The following PDIK1L variants were observed in gnomAD, a reference collection of about 807,000 sequenced individuals.
The protein encoded by PDIK1L is PDLIM1 interacting kinase 1 like.
A neutral mutation model predicts 27.1 loss-of-function variants in PDIK1L; 9 were observed. The ratio of observed to expected loss-of-function variants is 0.33; its 90% CI spans 0.20 to 0.58. The LOEUF is 0.58. PDIK1L is among the 20% of genes least tolerant of loss of function. PDIK1L has a pLI of 0.86. For synonymous variants in PDIK1L, 130 were observed against 141.7 expected (o/e 0.92, Z 0.59); for missense variants, 216 against 413.2 (o/e 0.52, Z 4.14).
rs1358847245 is a variant in PDIK1L at position 26,119,481 on chromosome 1, G to A, written c.286-2356G>A. Among the ~76,000 whole-genome samples, 7 of 152,224 alleles carry A rather than the reference G, an allele frequency of 4.6e-5. No individual in the cohort carries two copies. In the East Asian group the frequency reaches 9.7e-4, roughly 21 times the overall value. On this transcript the variant is annotated intron_variant, in intron 2 of 2. Coordinates refer to ENST00000374269, the MANE Select transcript of PDIK1L (RefSeq NM_152835.5). ...TCTAAAACTTGTAGTGTGAAGAGGA[G>A]TTAGCTAGATAAGTGAGAAAAATTT...
chr1:26,120,452 T>C (rs955388734), intron 2 of PDIK1L, among the ~76,000 whole-genome samples: 1 of 152,238 alleles, frequency 6.6e-6, no homozygotes, highest in African/African-American at 2.4e-5. Context: ...AAAAGAGATA[T>C]CTGCAGATCA....
At chr1:26,120,683 A>G (rs1346557673) in intron 2 of PDIK1L, among the ~76,000 whole-genome samples, 1 of 152,200 alleles carries the variant, frequency 6.6e-6, no homozygotes, top group Non-Finnish European at 1.5e-5. Flanking sequence ...GCCGGGTGCC[A>G]TGGCTCATGC....
chr1:26,124,331 TAAATA>T lies in PDIK1L; in HGVS notation c.*1755_*1759del, dbSNP rs990772313. On this transcript the variant is annotated 3_prime_UTR_variant, in exon 3 of 3. Coordinates refer to ENST00000374269, the MANE Select transcript of PDIK1L (RefSeq NM_152835.5). ...ACTTTTAACATCACTTTTAAGCTAA[TAAATA>T]TAAGAATTCTTTTGGAAATTAGAGG... 2 of 152,168 alleles carry T rather than the reference TAAATA, an allele frequency of 1.3e-5. No homozygotes were observed. The highest frequency in any genetic ancestry group is 4.8e-5 in the African/African-American group (2 of 41,452). 9.4% of individuals were successfully genotyped at this position (152,168 alleles called of 1,614,324 possible).
In PDIK1L at chr1:26,122,409, T is replaced by C. The variant is rs765576015; in HGVS notation, c.858T>C (p.Asn286=). 1.9e-6 allele frequency: 3 copies of C among 1,614,048 alleles called. No individual in the cohort carries two copies. In the South Asian group the frequency reaches 3.3e-5, roughly 18 times the overall value. ...IVPVGEALLE[N]PKMELLIPVK... ...CTGTTGGGGAGGCACTTCTGGAAAA[T>C]CCCAAAATGGAACTTCTCATTCCTG... The change falls in exon 3 of 3, where the codon AAT becomes AAC. Residue 286 remains asparagine, a synonymous_variant. Coordinates refer to ENST00000374269, the MANE Select transcript of PDIK1L (RefSeq NM_152835.5). The surrounding 1 kb of genome is among the most constrained non-coding windows in gnomAD (Gnocchi z 5.4).
chr1:26,122,574 G>GT lies in PDIK1L; in HGVS notation c.1024dup (p.Ter342LeufsTer11). 3 of 1,599,540 alleles carry GT rather than the reference G, an allele frequency of 1.9e-6. No homozygotes were observed. The highest frequency in any genetic ancestry group is 2.6e-6 in the Non-Finnish European group (3 of 1,171,612). On this transcript the variant is annotated frameshift_variant, in exon 3 of 3. Coordinates refer to ENST00000374269, the MANE Select transcript of PDIK1L (RefSeq NM_152835.5). LOFTEE classifies it high-confidence loss of function. The surrounding 1 kb of genome is among the most constrained non-coding windows in gnomAD (Gnocchi z 5.4). ...CATTTAAAGATAGCAGCTGGGAAACGTGACACATATTATTTGCAAATACCA... is the reference window on the plus strand; with the variant it reads ...CATTTAAAGATAGCAGCTGGGAAACGTTGACACATATTATTTGCAAATACCA...
chr1:26,116,666 T>C (rs1013625384), intron 2 of PDIK1L, among the ~76,000 whole-genome samples: 3 of 152,238 alleles, frequency 2.0e-5, no homozygotes, highest in African/African-American at 7.2e-5. Flanking sequence ...ACTTAATTTA[T>C]ATTAATTTAT....
intron 2 of PDIK1L, among the ~76,000 whole-genome samples, chr1:26,115,075 T>C (rs974962841): frequency 1.3e-5 from 2 of 152,256 alleles, no homozygotes; most frequent in African/African-American, 4.8e-5. Flanking sequence ...TTAATTTTCA[T>C]GAAGTACATG....
intron 2 of PDIK1L, 147 bp from the exon 3 acceptor site, chr1:26,121,690 C>T: frequency 7.4e-6 from 6 of 812,444 alleles, no homozygotes; most frequent in Non-Finnish European, 1.1e-5. Context: ...GTTTAAAATG[C>T]ATATTTGAAA....
chr1:26,122,302 C>T lies in PDIK1L; in HGVS notation c.751C>T (p.Leu251=), dbSNP rs148510578. ...FALGIIIWAM[L]ERITFIDTET... is the part of the protein sequence containing the mutation. The stretch of plus-strand genomic sequence containing the variant: ...TCTGGGGATTATCATCTGGGCAATG[C>T]TGGAAAGGATCACATTCATAGACAC... Residue 251 remains leucine (L), a synonymous_variant, in exon 3 of 3, where the codon CTG becomes TTG. Transcript: ENST00000374269. The surrounding 1 kb of genome is among the most constrained non-coding windows in gnomAD (Gnocchi z 5.4). 1.2e-6 allele frequency: 2 copies of T among 1,614,008 alleles called. No homozygotes were observed. The highest frequency in any genetic ancestry group is 1.3e-5 in the African/African-American group (1 of 74,908).
At chr1:26,120,474 A>G (rs980005506) in intron 2 of PDIK1L, among the ~76,000 whole-genome samples, 2 of 152,180 alleles carry the variant, frequency 1.3e-5, no homozygotes, top group South Asian at 2.1e-4. Context: ...CGCAATTACT[A>G]TTGTCTGCCA....
At position 26,114,173 on chromosome 1, in the gene PDIK1L, G is replaced by C; in HGVS notation, c.-17-119G>C. ...TAAAATTAGATTTCCCCTAGGTATA[G>C]CAAATATCCTTCAAGCACTGCAGAC... On this transcript the variant is annotated intron_variant, in intron 1 of 2. Coordinates refer to ENST00000374269, the MANE Select transcript of PDIK1L (RefSeq NM_152835.5). This position sits in a 1 kb window ranked among gnomAD's most constrained non-coding sequence, Gnocchi z 4.8. The C allele has an allele frequency of 2.0e-6, 2 of 1,000,688 alleles. No homozygotes were observed. The highest frequency in any genetic ancestry group is 1.4e-6 in the Non-Finnish European group (1 of 693,966). The allele number at this position is 1,000,688 out of a possible 1,614,324, so 62.0% of individuals were successfully genotyped here. A position where few individuals can be genotyped will look rare whatever the true frequency, so the allele number is the denominator to read the frequency against.
chr1:26,119,971 TTAGACTATATCCTAAGAGAACA>T (rs1370385976), intron 2 of PDIK1L, among the ~76,000 whole-genome samples: 1 of 152,164 alleles, frequency 6.6e-6, no homozygotes, highest in Admixed American at 6.6e-5. Context: ...GTTAAAGAGT[TTAGACTATATCCTAAGAGAACA>T]GGGAAGCCAT....
rs2087931283 is a variant in PDIK1L at position 26,119,152 on chromosome 1, A to C, written c.286-2685A>C. Among the ~76,000 whole-genome samples the C allele has an allele frequency of 5.2e-5, 8 of 152,382 alleles. No individual in the cohort carries two copies. In the South Asian group the frequency reaches 1.7e-3, roughly 32 times the overall value. On this transcript the variant is annotated intron_variant, in intron 2 of 2. Transcript: ENST00000374269. ...GCTGGACGCAGTGGCTTACGCCTGC[A>C]ATCCCAGCACTTTGGGAGGCTGAGG...
rs1011695979 is a variant in PDIK1L, at chr1:26,124,974, C to T, written c.*2397C>T. 2 of 152,588 alleles carry T rather than the reference C, an allele frequency of 1.3e-5. No individual in the cohort carries two copies. The highest frequency in any genetic ancestry group is 4.8e-5 in the African/African-American group (2 of 41,450). The allele number at this position is 152,588 out of a possible 1,614,324, so 9.5% of individuals were successfully genotyped here. On this transcript the variant is annotated 3_prime_UTR_variant, in exon 3 of 3. Transcript: ENST00000374269. ...GAAAGCAAAACTTCGTACACAGTGC[C>T]TTGCCCATAATAGGTACTCAATAAG...
At chr1:26,117,341 A>C (rs1224851896) in intron 2 of PDIK1L, among the ~76,000 whole-genome samples, 1 of 152,102 alleles carries the variant, frequency 6.6e-6, no homozygotes, top group Non-Finnish European at 1.5e-5. Flanking sequence ...CAATGCCCTG[A>C]AGTTTTCCGT....
chr1:26,111,300 C>A, upstream of PDIK1L: 1 of 152,872 alleles, frequency 6.5e-6, no homozygotes, highest in South Asian at 1.9e-4. The surrounding 1 kb of genome is among the most constrained non-coding windows in gnomAD (Gnocchi z 4.0). Context: ...CCTCCTTGGT[C>A]GGGCCGCACC....
At position 26,122,676 on chromosome 1, in the gene PDIK1L, C is replaced by T. The variant is rs2124475510; in HGVS notation, c.*99C>T. The stretch of plus-strand genomic sequence containing the variant: ...AAAGAATATAAAAAGCTAGACTCTA[C>T]CCTCTAAGGGTTTAGATTTTTTGTG... On this transcript the variant is annotated 3_prime_UTR_variant, in exon 3 of 3. Transcript: ENST00000374269. This position sits in a 1 kb window ranked among gnomAD's most constrained non-coding sequence, Gnocchi z 5.4. 1.4e-6 allele frequency: 2 copies of T among 1,416,000 alleles called. No homozygotes were observed. The highest frequency in any genetic ancestry group is 2.4e-5 in the Admixed American group (1 of 41,500). 87.7% of individuals were successfully genotyped at this position (1,416,000 alleles called of 1,614,324 possible).
At chr1:26,116,346 CA>C (rs991173963) in intron 2 of PDIK1L, among the ~76,000 whole-genome samples, 6 of 150,860 alleles carry the variant, frequency 4.0e-5, no homozygotes, top group Admixed American at 6.6e-5. Context: ...CCCATCTGTA[CA>C]AAAAAAAAGT....
In PDIK1L at chr1:26,114,197, ACAGT is replaced by A. The variant is rs549726202; in HGVS notation, c.-17-91_-17-88del. 2.3e-5 allele frequency: 28 copies of A among 1,242,108 alleles called. No homozygotes were observed. The highest frequency in any genetic ancestry group is 8.3e-5 in the Admixed American group (3 of 36,298). The allele number at this position is 1,242,108 out of a possible 1,614,324, so 76.9% of individuals were successfully genotyped here. ...AGCAAATATCCTTCAAGCACTGCAG[ACAGT>A]CAGACAGATGACAAGTAAATCATAC... On this transcript the variant is annotated intron_variant, in intron 1 of 2. Coordinates refer to ENST00000374269, the MANE Select transcript of PDIK1L (RefSeq NM_152835.5). This position sits in a 1 kb window ranked among gnomAD's most constrained non-coding sequence, Gnocchi z 4.8.
Sources: allele counts gnomAD v4.1 joint callset (sites outside exome capture counted in the v4.1 genomes callset), GRCh38; gene constraint gnomAD v4.1.1; non-coding constraint Gnocchi (gnomAD v3.1); transcripts MANE v1.5; gene names NCBI Gene and HGNC (gene_info 2026-07-23, HGNC 2026-07-21).